The following PDE12 variants were observed in gnomAD, a reference collection of about 807,000 sequenced individuals.
PDE12 encodes the protein phosphodiesterase 12.
PDE12 carries 26 observed loss-of-function variants against 45.4 expected under a neutral mutation model. The observed-to-expected ratio is 0.57, with a 90% CI of 0.42 to 0.79. PDE12 has a LOEUF of 0.79. Ranked by LOEUF, PDE12 falls within the 30% of genes least tolerant of loss-of-function variation. PDE12 has a pLI of 0.00. For missense variants in PDE12, 668 were observed against 790.0 expected, an observed-to-expected ratio of 0.85 and a Z score of 1.85; for synonymous variants, 283 against 323.9, an observed-to-expected ratio of 0.87 and a Z score of 1.36.
intron 2 of PDE12, 86 bp from the exon 3 acceptor site, chr3:57,559,476 C>T: frequency 6.4e-7 from 1 of 1,561,628 alleles, no homozygotes; most frequent in Non-Finnish European, 8.8e-7. Flanking sequence ...GAACGTCACC[C>T]AGAGACTGTA....
the PDE12 span, among the ~76,000 whole-genome samples, chr3:57,617,624 A>G: frequency 6.6e-6 from 1 of 151,946 alleles, no homozygotes; most frequent in Non-Finnish European, 1.5e-5. Context: ...GCACTTTGGG[A>G]GGCCGAGGTG....
At chr3:57,614,743 G>A in the PDE12 span, among the ~76,000 whole-genome samples, 1 of 151,148 alleles carries the variant, frequency 6.6e-6, no homozygotes, top group Non-Finnish European at 1.5e-5. Flanking sequence ...GAGGGAGGCC[G>A]AGGCGGGTGT....
chr3:57,612,769 CAA>C, the PDE12 span, among the ~76,000 whole-genome samples: 8 of 97,566 alleles, frequency 8.2e-5, no homozygotes, highest in Non-Finnish European at 6.1e-5. Context: ...GAGTCCACCT[CAA>C]AAAAAAAAAA....
At chr3:57,631,486 G>A in the PDE12 span, among the ~76,000 whole-genome samples, 2 of 152,006 alleles carry the variant, frequency 1.3e-5, no homozygotes, top group Non-Finnish European at 2.9e-5. Context: ...GAACTACCGC[G>A]CCCAACAACG....
At chr3:57,644,291 C>T in the PDE12 span, among the ~76,000 whole-genome samples, 113,357 of 151,812 alleles carry the variant, frequency 0.75, 44,446 homozygotes, top group East Asian at 1. Flanking sequence ...CAGGAGAGAA[C>T]AGTATTAGAG....
At chr3:57,650,990 G>A in the PDE12 span, among the ~76,000 whole-genome samples, 6 of 152,196 alleles carry the variant, frequency 3.9e-5, no homozygotes, top group South Asian at 4.1e-4. Flanking sequence ...CTCCATGCCA[G>A]TCAGACTGGT....
the PDE12 span, chr3:57,628,825 G>A: frequency 5.6e-6 from 9 of 1,611,778 alleles, no homozygotes; most frequent in Middle Eastern, 3.3e-4. Context: ...TTATTTTTCA[G>A]CTTCAAGACA....
chr3:57,618,171 A>G, the PDE12 span, among the ~76,000 whole-genome samples: 1 of 152,114 alleles, frequency 6.6e-6, no homozygotes, highest in East Asian at 1.9e-4. Context: ...TTGAAAAAAT[A>G]CTTATAAGGT....
the PDE12 span, among the ~76,000 whole-genome samples, chr3:57,609,065 C>G: frequency 6.6e-6 from 1 of 152,098 alleles, no homozygotes; most frequent in African/African-American, 2.4e-5. Flanking sequence ...CAAACTAGAA[C>G]GCAGGATTAA....
the PDE12 span, among the ~76,000 whole-genome samples, chr3:57,650,870 C>T: frequency 1.3e-5 from 2 of 151,732 alleles, no homozygotes; most frequent in Admixed American, 6.6e-5. Context: ...CCACAACCTC[C>T]GCCTCCCAGA....
At chr3:57,589,057 G>A in the PDE12 span, among the ~76,000 whole-genome samples, 7 of 151,200 alleles carry the variant, frequency 4.6e-5, no homozygotes, top group East Asian at 1.2e-3. Flanking sequence ...AGCTGAGATC[G>A]CGCCATTACA....
rs1368246608 is a variant in PDE12 at position 57,557,273 on chromosome 3, C to G, written c.894C>G (p.Val298=). 6.2e-7 allele frequency: 1 copy of G among 1,613,986 alleles called. No homozygotes were observed. The highest frequency in any genetic ancestry group is 1.1e-5 in the South Asian group (1 of 91,086). ...KVTEDALIRT[V]SYNILADTYA... is the part of the protein sequence containing the mutation. ...CTGAGGACGCTCTCATCCGCACTGT[C>G]TCTTACAACATCCTGGCAGACACGT... The change falls in exon 1 of 3, where the codon GTC becomes GTG. Residue 298 remains valine (V), a synonymous_variant. Coordinates refer to ENST00000311180, the MANE Select transcript of PDE12 (RefSeq NM_177966.7).
downstream of PDE12, chr3:57,571,611 C>A (rs1410562441): frequency 6.5e-6 from 1 of 152,672 alleles, no homozygotes. Context: ...AATATCAATT[C>A]TTTGCAACCA....
At chr3:57,584,499 CA>C in the PDE12 span, 1 of 1,508,944 alleles carries the variant, frequency 6.6e-7, no homozygotes, top group Non-Finnish European at 9.2e-7. Context: ...AAATCCAGAC[CA>C]AAAGCACACT....
the PDE12 span, among the ~76,000 whole-genome samples, chr3:57,577,002 A>G: frequency 2.6e-5 from 4 of 152,016 alleles, no homozygotes; most frequent in Admixed American, 1.3e-4. Context: ...GACTGAGCTA[A>G]ATCAGATATC....
At chr3:57,598,678 G>A in the PDE12 span, among the ~76,000 whole-genome samples, 1 of 152,182 alleles carries the variant, frequency 6.6e-6, no homozygotes, top group Admixed American at 6.5e-5. Flanking sequence ...CTACTCCGGA[G>A]GCTGAGGCAG....
chr3:57,575,708 A>G, the PDE12 span: 22 of 1,568,488 alleles, frequency 1.4e-5, no homozygotes, highest in Non-Finnish European at 1.7e-5. Flanking sequence ...ACAACTACCA[A>G]CCGGAATCCA....
chr3:57,611,877 A>G, the PDE12 span, among the ~76,000 whole-genome samples: 1 of 152,190 alleles, frequency 6.6e-6, no homozygotes, highest in East Asian at 1.9e-4. Flanking sequence ...CAGCCATCCC[A>G]TTACTGGGTA....
the PDE12 span, among the ~76,000 whole-genome samples, chr3:57,613,900 C>CA: frequency 0.16 from 9,182 of 59,044 alleles, 1,210 homozygotes; most frequent in African/African-American, 0.32. Flanking sequence ...GACTCCATCT[C>CA]AAAAAAAAAA....
Sources: allele counts gnomAD v4.1 joint callset (sites outside exome capture counted in the v4.1 genomes callset), GRCh38; gene constraint gnomAD v4.1.1; transcripts MANE v1.5; gene names NCBI Gene and HGNC (gene_info 2026-07-23, HGNC 2026-07-21).